Variants in PHACTR1 observed in about 807,000 individuals in gnomAD.
The protein encoded by PHACTR1 is RPEL repeat containing 1.
PHACTR1 carries 16 observed loss-of-function variants against 69.2 expected under a neutral mutation model. The ratio of observed to expected loss-of-function variants is 0.23; its 90% CI spans 0.16 to 0.35. The LOEUF (loss-of-function observed/expected upper bound fraction) is 0.35. Among genes scored for constraint, PHACTR1 ranks in the 10% least tolerant of loss-of-function variants. PHACTR1 has a pLI of 1.00. For synonymous variants in PHACTR1, 312 were observed against 284.5 expected (o/e 1.10, Z -0.97); for missense variants, 510 against 734.7 (o/e 0.69, Z 3.54).
intron 3 of PHACTR1, among the ~76,000 whole-genome samples, chr6:12,748,868 C>T (rs1402481071): frequency 2.0e-5 from 3 of 152,184 alleles, no homozygotes; most frequent in African/African-American, 7.2e-5. Flanking sequence ...TTCAAAATAC[C>T]AACTCTAGAA....
chr6:13,160,315 C>A, intron 6 of PHACTR1, 31 bp downstream of exon 6: 1 of 1,578,982 alleles, frequency 6.3e-7, no homozygotes, highest in South Asian at 1.1e-5. Context: ...ATCCCCGGGT[C>A]AAAGAGTCAT....
intron 5 of PHACTR1, among the ~76,000 whole-genome samples, chr6:13,085,302 A>G (rs1399134298): frequency 6.6e-6 from 1 of 152,070 alleles, no homozygotes; most frequent in Non-Finnish European, 1.5e-5. Context: ...ATACTGTGTT[A>G]TTAAAATGTT....
chr6:12,770,822 G>A (rs185810845), intron 4 of PHACTR1, among the ~76,000 whole-genome samples: 16 of 152,298 alleles, frequency 1.1e-4, no homozygotes, highest in African/African-American at 3.4e-4. Context: ...GGGAGCCTGC[G>A]ATAGAAATGC....
chr6:12,765,034 C>T (rs1167227657), intron 4 of PHACTR1, among the ~76,000 whole-genome samples: 1 of 152,082 alleles, frequency 6.6e-6, no homozygotes, highest in African/African-American at 2.4e-5. Flanking sequence ...AATGGAAATA[C>T]TCATATTTCA....
chr6:13,282,707 C>A (rs541147335), intron 12 of PHACTR1, among the ~76,000 whole-genome samples: 1 of 152,170 alleles, frequency 6.6e-6, no homozygotes, highest in East Asian at 1.9e-4. Flanking sequence ...CACTGCAAAA[C>A]CCCCTTGCAG....
At chr6:12,843,705 C>A (rs1318166561) in intron 4 of PHACTR1, among the ~76,000 whole-genome samples, 1 of 152,050 alleles carries the variant, frequency 6.6e-6, no homozygotes, top group Admixed American at 6.5e-5. Flanking sequence ...AGATGGTTAA[C>A]TTTGAATATT....
At chr6:12,891,921 C>T (rs1418580109) in intron 4 of PHACTR1, among the ~76,000 whole-genome samples, 1 of 152,170 alleles carries the variant, frequency 6.6e-6, no homozygotes, top group Admixed American at 6.5e-5. Flanking sequence ...AATAGGGCCA[C>T]CATAGAGGGT....
chr6:12,997,444 T>G (rs1444667499), intron 4 of PHACTR1, among the ~76,000 whole-genome samples: 2 of 149,970 alleles, frequency 1.3e-5, no homozygotes, highest in Non-Finnish European at 3.0e-5. Flanking sequence ...GGAGAGAGTC[T>G]TTTTATTCTT....
chr6:13,009,293 T>A (rs909798564), intron 4 of PHACTR1, among the ~76,000 whole-genome samples: 2 of 152,034 alleles, frequency 1.3e-5, no homozygotes, highest in African/African-American at 4.8e-5. Context: ...TTCAACCCAC[T>A]GCAGGGTGGA....
intron 5 of PHACTR1, among the ~76,000 whole-genome samples, chr6:13,079,532 A>T (rs1264644347): frequency 6.6e-6 from 1 of 152,026 alleles, no homozygotes; most frequent in Non-Finnish European, 1.5e-5. Context: ...TCCTCTCGCT[A>T]CAGGAGACAC....
chr6:13,073,420 T>G (rs1023847587), intron 5 of PHACTR1, among the ~76,000 whole-genome samples: 7 of 137,054 alleles, frequency 5.1e-5, no homozygotes, highest in Non-Finnish European at 1.1e-4. Flanking sequence ...CTTGGCTCAC[T>G]GCAGTCTCCA....
At chr6:12,971,536 C>T (rs1016623136) in intron 4 of PHACTR1, among the ~76,000 whole-genome samples, 5 of 152,096 alleles carry the variant, frequency 3.3e-5, no homozygotes, top group African/African-American at 1.2e-4. Context: ...TTGTATGAGT[C>T]CATGTATACG....
intron 4 of PHACTR1, among the ~76,000 whole-genome samples, chr6:12,871,010 G>A (rs1430809091): frequency 1.3e-5 from 2 of 152,198 alleles, no homozygotes. Flanking sequence ...GTTTAGGCTT[G>A]TGTAGAAGTA....
chr6:12,914,836 C>G lies in PHACTR1; in HGVS notation c.251-138529C>G, dbSNP rs543034989. On this transcript the variant is annotated intron_variant, in intron 4 of 14. Coordinates refer to ENST00000332995, the MANE Select transcript of PHACTR1 (RefSeq NM_030948.6). ...TAGGCAAGTCAGGACAAATTTGGAA[C>G]TGGGACCCCTCCTAAGGACTGAGGT... Among the ~76,000 whole-genome samples the G allele has an allele frequency of 2.6e-5, 4 of 152,310 alleles. No individual in the cohort carries two copies. The South Asian group carries it at 8.3e-4, about 32-fold the overall frequency.
intron 5 of PHACTR1, among the ~76,000 whole-genome samples, chr6:13,073,074 C>T (rs1370020171): frequency 6.6e-6 from 1 of 151,974 alleles, no homozygotes; most frequent in Non-Finnish European, 1.5e-5. Flanking sequence ...ACCAATCCAC[C>T]GTAGTCCCAC....
chr6:13,156,740 C>T (rs1561913855), intron 5 of PHACTR1, among the ~76,000 whole-genome samples: 1 of 152,212 alleles, frequency 6.6e-6, no homozygotes, highest in Admixed American at 6.5e-5. Flanking sequence ...CCCGTATTCC[C>T]TGCCTTAGTC....
chr6:12,856,297 A>G (rs954697776), intron 4 of PHACTR1, among the ~76,000 whole-genome samples: 1 of 137,664 alleles, frequency 7.3e-6, no homozygotes, highest in Non-Finnish European at 1.5e-5. Flanking sequence ...TCTGTCGCCC[A>G]AGCTGGAGTG....
chr6:12,944,508 G>T (rs2127544265), intron 4 of PHACTR1, among the ~76,000 whole-genome samples: 1 of 152,262 alleles, frequency 6.6e-6, no homozygotes, highest in South Asian at 2.1e-4. Context: ...CCCTTTAACA[G>T]TAAACCTTTT....
intron 4 of PHACTR1, among the ~76,000 whole-genome samples, chr6:12,951,841 T>C (rs1026871801): frequency 6.6e-6 from 1 of 152,248 alleles, no homozygotes; most frequent in African/African-American, 2.4e-5. Flanking sequence ...GTATTTATTA[T>C]GTGAAGCACC....
Sources: allele counts gnomAD v4.1 joint callset (sites outside exome capture counted in the v4.1 genomes callset), GRCh38; gene constraint gnomAD v4.1.1; transcripts MANE v1.5; gene names NCBI Gene and HGNC (gene_info 2026-07-23, HGNC 2026-07-21).